EPHB2: variants seen among roughly 807,000 people sequenced by gnomAD.
EPHB2 encodes the protein ephrin type-B receptor 2.
Under a neutral mutation model 96.4 loss-of-function variants are expected in EPHB2, and 18 were observed. The ratio of observed to expected loss-of-function variants is 0.19; its 90% CI spans 0.13 to 0.28. The LOEUF (loss-of-function observed/expected upper bound fraction) is 0.28. EPHB2 is among the 10% of genes least tolerant of loss of function. The pLI is 1.00. For missense variants in EPHB2, 989 were observed against 1,355.4 expected (o/e 0.73, Z 4.25); for synonymous variants, 506 against 534.1 (o/e 0.95, Z 0.72).
intron 6 of EPHB2, among the ~76,000 whole-genome samples, chr1:22,886,662 T>G: frequency 6.7e-6 from 1 of 148,850 alleles, no homozygotes; most frequent in African/African-American, 2.5e-5. Flanking sequence ...GTTTCGCACT[T>G]GTTGCCCAGG....
chr1:22,763,296 T>C (rs767630221), intron 1 of EPHB2, among the ~76,000 whole-genome samples: 2 of 152,004 alleles, frequency 1.3e-5, no homozygotes, highest in Non-Finnish European at 2.9e-5. Flanking sequence ...GGAAGACGAG[T>C]CCTGGGCAGG....
chr1:22,907,792 C>G (rs1208197951), intron 11 of EPHB2, among the ~76,000 whole-genome samples, 161 bp from the exon 12 acceptor site: 6 of 152,252 alleles, frequency 3.9e-5, no homozygotes. Context: ...AAGTTGGCCT[C>G]TGACGGGCCT....
intron 5 of EPHB2, among the ~76,000 whole-genome samples, chr1:22,868,849 C>T (rs1454314458): frequency 1.3e-5 from 2 of 152,152 alleles, no homozygotes; most frequent in Non-Finnish European, 2.9e-5. Context: ...AAATCACTTC[C>T]TCTGAGGCCT....
At chr1:22,793,616 G>A (rs1018215800) in intron 3 of EPHB2, among the ~76,000 whole-genome samples, 3 of 152,194 alleles carry the variant, frequency 2.0e-5, no homozygotes, top group Non-Finnish European at 4.4e-5. Flanking sequence ...GGAGGATGGT[G>A]GAAGTGCTGC....
chr1:22,746,712 G>A (rs182726345), intron 1 of EPHB2, among the ~76,000 whole-genome samples: 1 of 152,310 alleles, frequency 6.6e-6, no homozygotes, highest in Non-Finnish European at 1.5e-5. Flanking sequence ...CTGCACGGGA[G>A]GCCTCACCTC....
chr1:22,879,453 A>G (rs1182861820), intron 5 of EPHB2, among the ~76,000 whole-genome samples: 1 of 152,224 alleles, frequency 6.6e-6, no homozygotes, highest in Non-Finnish European at 1.5e-5. Flanking sequence ...TCGGCAGTCC[A>G]GGAGAGCAGA....
intron 1 of EPHB2, among the ~76,000 whole-genome samples, chr1:22,735,449 A>G (rs906185780): frequency 2.1e-4 from 32 of 151,554 alleles, no homozygotes; most frequent in African/African-American, 7.0e-4. Flanking sequence ...AAAAAAAAAA[A>G]AAGAAGAAGA....
At chr1:22,868,646 A>C (rs529609733) in intron 5 of EPHB2, among the ~76,000 whole-genome samples, 1 of 152,090 alleles carries the variant, frequency 6.6e-6, no homozygotes, top group Non-Finnish European at 1.5e-5. Context: ...GTGTAGGAGC[A>C]TGGAGGGAGC....
chr1:22,758,474 A>G (rs574383261), intron 1 of EPHB2, among the ~76,000 whole-genome samples: 1 of 152,124 alleles, frequency 6.6e-6, no homozygotes, highest in South Asian at 2.1e-4. Flanking sequence ...TGGTCTGGGT[A>G]TCCAGTGGCA....
chr1:22,897,533 A>T (rs1639606080), intron 9 of EPHB2, among the ~76,000 whole-genome samples: 1 of 152,126 alleles, frequency 6.6e-6, no homozygotes, highest in Admixed American at 6.5e-5. Context: ...CACACCTGTA[A>T]TCCCAGCACT....
rs1469768776 is a variant in EPHB2 at position 22,917,917 on chromosome 1, C to T, written c.*4347C>T. On this transcript the variant is annotated 3_prime_UTR_variant, in exon 16 of 16. Transcript: ENST00000374630. ...ACAGAGGTCAAAAGAAAGGTCACTC[C>T]AAGACGCAGCTGCCAGAATGGTCCA... 6.6e-6 allele frequency: 1 copy of T among 152,180 alleles called. No homozygotes were observed. Among genetic ancestry groups the T allele is most frequent in the African/African-American group, 2.4e-5 (1 of 41,420 alleles). 9.4% of individuals were successfully genotyped at this position (152,180 alleles called of 1,614,324 possible). A position where few individuals can be genotyped will look rare whatever the true frequency, so the allele number is the denominator to read the frequency against.
intron 1 of EPHB2, among the ~76,000 whole-genome samples, chr1:22,736,652 G>A (rs549886888): frequency 7.9e-5 from 12 of 152,316 alleles, no homozygotes; most frequent in South Asian, 2.1e-4. Context: ...GGCAGCCTCC[G>A]CAGCGCGGCA....
intron 1 of EPHB2, among the ~76,000 whole-genome samples, chr1:22,755,022 G>GC (rs1348865912): frequency 1.4e-5 from 2 of 147,158 alleles, no homozygotes; most frequent in South Asian, 2.2e-4. Context: ...TGAGCCCGAG[G>GC]CCCCCCTCTC....
At chr1:22,833,153 T>C (rs1026479852) in intron 3 of EPHB2, among the ~76,000 whole-genome samples, 1 of 152,184 alleles carries the variant, frequency 6.6e-6, no homozygotes, top group African/African-American at 2.4e-5. Context: ...AGTCTCGCTC[T>C]TTTGCCCAGG....
At position 22,844,639 on chromosome 1, in the gene EPHB2, G is replaced by T. The variant is rs576420506; in HGVS notation, c.812-18398G>T. Reference sequence around the variant, plus strand: ...AGAAAAGTTATATTATTTACCCAAGGTCACTCAGCTAGGAAGTGGTGATGC... The same window carrying T: ...AGAAAAGTTATATTATTTACCCAAGTTCACTCAGCTAGGAAGTGGTGATGC... On this transcript the variant is annotated intron_variant, in intron 3 of 15. Transcript: ENST00000374630. Among the ~76,000 whole-genome samples, 7 of 152,332 alleles carry T rather than the reference G, an allele frequency of 4.6e-5. No homozygotes were observed. In the South Asian group the frequency reaches 1.5e-3, roughly 32 times the overall value.
chr1:22,860,372 G>A lies in EPHB2; in HGVS notation c.812-2665G>A, dbSNP rs1645775145. 6.6e-6 allele frequency among the ~76,000 whole-genome samples: 1 copy of A among 152,120 alleles called. No individual in the cohort carries two copies. The stretch of plus-strand genomic sequence containing the variant: ...GGTGGAGAGTGATGCCACTTCCCAG[G>A]GCAGAGAAGAGTGAGTTTCATGAAG... On this transcript the variant is annotated intron_variant, in intron 3 of 15. Transcript: ENST00000374630. This position sits in a 1 kb window ranked among gnomAD's most constrained non-coding sequence, Gnocchi z 4.6.
intron 3 of EPHB2, among the ~76,000 whole-genome samples, chr1:22,853,435 C>A (rs1181857064): frequency 6.6e-6 from 1 of 152,232 alleles, no homozygotes; most frequent in Non-Finnish European, 1.5e-5. Context: ...TGCTCACAGC[C>A]TCCTAGGAGA....
intron 1 of EPHB2, among the ~76,000 whole-genome samples, chr1:22,770,741 C>T (rs1464138369): frequency 6.6e-6 from 1 of 152,170 alleles, no homozygotes; most frequent in Non-Finnish European, 1.5e-5. Context: ...TTATTTCCCC[C>T]ATCTGCAGGA....
At chr1:22,763,783 G>A (rs2148397777) in intron 1 of EPHB2, among the ~76,000 whole-genome samples, 1 of 152,308 alleles carries the variant, frequency 6.6e-6, no homozygotes, top group South Asian at 2.1e-4. Context: ...TCACTGGGCT[G>A]AAATGGCCAG....
Sources: gnomAD v4.1 joint callset for allele counts (sites outside exome capture counted in the v4.1 genomes callset) on GRCh38, gnomAD v4.1.1 for gene constraint, Gnocchi (gnomAD v3.1) non-coding constraint, MANE v1.5 for transcripts, NCBI Gene and HGNC (gene_info 2026-07-23, HGNC 2026-07-21) for gene names.